Variants in DCAF17 observed in about 807,000 individuals in gnomAD.
DCAF17 encodes the protein DDB1- and CUL4-associated factor 17.
A neutral mutation model predicts 66.0 loss-of-function variants in DCAF17; 48 were observed. The observed-to-expected ratio is 0.73, with a 90% confidence interval of 0.58 to 0.92. The LOEUF (loss-of-function observed/expected upper bound fraction) is 0.92. Ranked by LOEUF, DCAF17 falls within the 40% of genes least tolerant of loss-of-function variation. The probability of loss-of-function intolerance (pLI) is 0.00; values close to 1 mark genes in which losing one functional copy is unlikely to be tolerated. For missense variants in DCAF17, 562 were observed against 622.8 expected, an observed-to-expected ratio of 0.90 and a Z score of 1.04; for synonymous variants, 206 against 214.6, an observed-to-expected ratio of 0.96 and a Z score of 0.35.
intron 12 of DCAF17, among the ~76,000 whole-genome samples, chr2:171,479,100 G>A (rs1483765454): frequency 6.6e-6 from 1 of 152,060 alleles, no homozygotes; most frequent in East Asian, 1.9e-4. Flanking sequence ...GTAAGGTGAA[G>A]GCAAAAAGGA....
intron 8 of DCAF17, among the ~76,000 whole-genome samples, chr2:171,468,573 A>G (rs1367942523): frequency 1.3e-5 from 2 of 152,174 alleles, no homozygotes; most frequent in African/African-American, 2.4e-5. Context: ...TACTTTTATT[A>G]AATGTACTTT....
intron 12 of DCAF17, among the ~76,000 whole-genome samples, chr2:171,479,262 A>T (rs550661528): frequency 6.6e-6 from 1 of 152,238 alleles, no homozygotes; most frequent in African/African-American, 2.4e-5. Context: ...TGAGGGAAAC[A>T]TGCTATGCCT....
rs1696650607 is a variant in DCAF17, at chr2:171,479,661, C to T, written c.1267-377C>T. The T allele has an allele frequency of 1.2e-5, 3 of 245,126 alleles. No individual in the cohort carries two copies. In the South Asian group the frequency reaches 1.6e-4, roughly 13 times the overall value. The allele number at this position is 245,126 out of a possible 1,614,324, so 15.2% of individuals were successfully genotyped here. A position where few individuals can be genotyped will look rare whatever the true frequency, so the allele number is the denominator to read the frequency against. On this transcript the variant is annotated intron_variant, in intron 12 of 13. Coordinates refer to ENST00000375255, the MANE Select transcript of DCAF17 (RefSeq NM_025000.4). ...AGTGAGCAGTCTTTAGGTTTCAGAA[C>T]CGAGCTTCATGTGTTTAGTCCTGTC... is the stretch of plus-strand genomic sequence containing the variant.
intron 9 of DCAF17, among the ~76,000 whole-genome samples, chr2:171,470,406 C>T (rs1483510983): frequency 6.6e-6 from 1 of 152,130 alleles, no homozygotes; most frequent in Non-Finnish European, 1.5e-5. Flanking sequence ...TACAGATCAC[C>T]TTTTACCATG....
intron 6 of DCAF17, among the ~76,000 whole-genome samples, chr2:171,454,114 G>T (rs1202908792): frequency 6.6e-6 from 1 of 151,822 alleles, no homozygotes; most frequent in East Asian, 1.9e-4. Context: ...AGGCTTTGAT[G>T]AATTATGATT....
chr2:171,455,038 CAT>C (rs375912637), intron 6 of DCAF17, among the ~76,000 whole-genome samples: 2 of 151,394 alleles, frequency 1.3e-5, no homozygotes, highest in East Asian at 1.9e-4. Context: ...TATAGATAAA[CAT>C]GTGTCATGGG....
At chr2:171,448,082 C>T (rs78854848) in intron 3 of DCAF17, among the ~76,000 whole-genome samples, 6,442 of 152,276 alleles carry the variant, frequency 0.042, 202 homozygotes, top group South Asian at 0.13. Flanking sequence ...CTAAAGGAAA[C>T]AAGTCCTGTG....
Position 171,484,323 on chromosome 2 carries a change from A to G in DCAF17, c.*3209A>G, listed in dbSNP as rs1307591457. ...ATAATTTATTTCAAACAAGGGACAT[A>G]CAATAGAAAGATAAGACCTACTGAG... On this transcript the variant is annotated 3_prime_UTR_variant, in exon 14 of 14. Transcript: ENST00000375255. The G allele has an allele frequency of 1.2e-5, 5 of 418,494 alleles. No individual in the cohort carries two copies. Among genetic ancestry groups the G allele is most frequent in the South Asian group, 7.1e-5 (4 of 56,400 alleles). The allele number at this position is 418,494 out of a possible 1,614,324, so 25.9% of individuals were successfully genotyped here.
chr2:171,455,009 A>C (rs889257539), intron 6 of DCAF17, among the ~76,000 whole-genome samples: 1 of 149,554 alleles, frequency 6.7e-6, no homozygotes, highest in Non-Finnish European at 1.5e-5. Flanking sequence ...GTACATGTGC[A>C]TTATGTGCAG....
rs141154458 is a variant in DCAF17, at chr2:171,473,565, A to AT, written c.982-300dup. ...TTAAATGAAACAGTGCCTATAAAGC[A>AT]TCAAACGCAGTTCCTGACACAAAGT... On this transcript the variant is annotated intron_variant, in intron 9 of 13. Transcript: ENST00000375255. Among the ~76,000 whole-genome samples the AT allele has an allele frequency of 0.11, 17,221 of 152,208 alleles. 1,132 individuals are homozygous for AT. Among genetic ancestry groups the AT allele is most frequent in the Non-Finnish European group, 0.14 (9,782 of 67,980 alleles).
chr2:171,442,051 T>G (rs935323109), intron 2 of DCAF17, among the ~76,000 whole-genome samples: 4 of 152,210 alleles, frequency 2.6e-5, no homozygotes, highest in Non-Finnish European at 4.4e-5. Flanking sequence ...GTGGTGTCAA[T>G]TAGTGTTCTA....
chr2:171,475,211 A>G (rs542114598), intron 10 of DCAF17, among the ~76,000 whole-genome samples: 22 of 152,222 alleles, frequency 1.4e-4, no homozygotes, highest in Admixed American at 5.9e-4. Context: ...CCCAGCTTCA[A>G]TGTCACTTTT....
At chr2:171,471,320 T>A (rs942644182) in intron 9 of DCAF17, among the ~76,000 whole-genome samples, 1 of 152,198 alleles carries the variant, frequency 6.6e-6, no homozygotes, top group Non-Finnish European at 1.5e-5. Flanking sequence ...TTTCAGAAAA[T>A]GTTTCATAGC....
At chr2:171,462,655 A>G (rs879599671) in intron 8 of DCAF17, among the ~76,000 whole-genome samples, 1 of 152,202 alleles carries the variant, frequency 6.6e-6, no homozygotes, top group Non-Finnish European at 1.5e-5. Flanking sequence ...GTTAATATGT[A>G]TCAAAATTTT....
Position 171,450,155 on chromosome 2 carries a change from TC to T in DCAF17, c.537+199del, listed in dbSNP as rs1694865309. 10 of 520,966 alleles carry T rather than the reference TC, an allele frequency of 1.9e-5. 1 individual carries two copies. The highest frequency in any genetic ancestry group is 1.6e-4 in the South Asian group (8 of 49,526). The allele number at this position is 520,966 out of a possible 1,614,324, so 32.3% of individuals were successfully genotyped here. On this transcript the variant is annotated intron_variant, in intron 5 of 13. Coordinates refer to ENST00000375255, the MANE Select transcript of DCAF17 (RefSeq NM_025000.4). ...AAATGGAAAACCAGACATTGTATTT[TC>T]TCACTCATAAGTGAGAGCTAAGCCT...
At chr2:171,437,748 C>T (rs191143152) in intron 2 of DCAF17, among the ~76,000 whole-genome samples, 2 of 152,254 alleles carry the variant, frequency 1.3e-5, no homozygotes, top group Admixed American at 1.3e-4. Context: ...TCCATGAGAT[C>T]GGTAGTGATA....
intron 12 of DCAF17, 47 bp downstream of exon 12, chr2:171,478,117 A>G (rs374148699): frequency 2.2e-5 from 33 of 1,504,548 alleles, no homozygotes; most frequent in Non-Finnish European, 2.7e-5. Flanking sequence ...GTGTCCTTGC[A>G]TTGTGAATTT....
intron 9 of DCAF17, among the ~76,000 whole-genome samples, chr2:171,471,859 A>G (rs947586889): frequency 3.9e-5 from 6 of 152,002 alleles, no homozygotes; most frequent in Non-Finnish European, 5.9e-5. Context: ...CACAAAAAAT[A>G]CAAAAATTAG....
chr2:171,482,018 G>A lies in DCAF17; in HGVS notation c.*904G>A. 2.2e-6 allele frequency: 1 copy of A among 454,006 alleles called. No individual in the cohort carries two copies. The highest frequency in any genetic ancestry group is 1.6e-5 in the South Asian group (1 of 64,458). 28.1% of individuals were successfully genotyped at this position (454,006 alleles called of 1,614,324 possible). ...TCCCAGAAGAAGTTCTTACTAGCTT[G>A]GGAGTTACCTGATTAACCAGAGAAA... On this transcript the variant is annotated 3_prime_UTR_variant, in exon 14 of 14. Coordinates refer to ENST00000375255, the MANE Select transcript of DCAF17 (RefSeq NM_025000.4).
Sources: gnomAD v4.1 joint callset for allele counts (sites outside exome capture counted in the v4.1 genomes callset) on GRCh38, gnomAD v4.1.1 for gene constraint, MANE v1.5 for transcripts, NCBI Gene and HGNC (gene_info 2026-07-23, HGNC 2026-07-21) for gene names.